Variants in EXOC6B observed in about 807,000 individuals in gnomAD.
The protein encoded by EXOC6B is exocyst complex component 6B, also known as SEC15 homolog B.
Under a neutral mutation model 113.5 loss-of-function variants are expected in EXOC6B, and 54 were observed. The ratio of observed to expected loss-of-function variants is 0.48; its 90% CI spans 0.38 to 0.60. EXOC6B has a LOEUF of 0.60. Among genes scored for constraint, EXOC6B ranks in the 20% least tolerant of loss-of-function variants. The pLI is 0.00. For synonymous variants in EXOC6B, 357 were observed against 339.0 expected, an observed-to-expected ratio of 1.05 and a Z score of -0.58; for missense variants, 797 against 977.5, an observed-to-expected ratio of 0.82 and a Z score of 2.46.
At chr2:72,583,110 C>T (rs1443731770) in intron 6 of EXOC6B, among the ~76,000 whole-genome samples, 1 of 151,992 alleles carries the variant, frequency 6.6e-6, no homozygotes, top group Non-Finnish European at 1.5e-5. Context: ...GAATTTCAGA[C>T]CTTAAAGACC....
chr2:72,589,404 T>C (rs1379327256), intron 6 of EXOC6B, among the ~76,000 whole-genome samples: 1 of 152,034 alleles, frequency 6.6e-6, no homozygotes, highest in African/African-American at 2.4e-5. Context: ...ATTTATTTCA[T>C]TTCCTTCTAC....
At chr2:72,474,752 T>C (rs996885193) in intron 17 of EXOC6B, among the ~76,000 whole-genome samples, 3 of 152,172 alleles carry the variant, frequency 2.0e-5, no homozygotes, top group Admixed American at 1.3e-4. Flanking sequence ...TTTTCTGAGA[T>C]TTCATTAATT....
chr2:72,469,992 C>T (rs749287160), intron 17 of EXOC6B, among the ~76,000 whole-genome samples: 3 of 152,094 alleles, frequency 2.0e-5, no homozygotes, highest in African/African-American at 4.8e-5. Context: ...GCATTCCTAA[C>T]CTTACTTCAA....
intron 19 of EXOC6B, among the ~76,000 whole-genome samples, chr2:72,357,846 T>C (rs598138): frequency 0.34 from 52,391 of 152,010 alleles, 14,265 homozygotes; most frequent in African/African-American, 0.76. Flanking sequence ...TCTAGTACTA[T>C]TATACATGCT....
intron 20 of EXOC6B, among the ~76,000 whole-genome samples, chr2:72,257,469 A>T (rs1172746522): frequency 6.6e-6 from 1 of 152,240 alleles, no homozygotes; most frequent in Non-Finnish European, 1.5e-5. Context: ...GATCCTGAGT[A>T]AGCCCAATCT....
At chr2:72,588,133 A>G (rs1705705942) in intron 6 of EXOC6B, among the ~76,000 whole-genome samples, 1 of 152,140 alleles carries the variant, frequency 6.6e-6, no homozygotes. Context: ...TTCCTCAAAA[A>G]TATTTAAAAT....
chr2:72,226,385 A>C (rs1323457027), intron 20 of EXOC6B, among the ~76,000 whole-genome samples: 1 of 152,214 alleles, frequency 6.6e-6, no homozygotes, highest in Non-Finnish European at 1.5e-5. Flanking sequence ...GCACTCTTAA[A>C]TACTGTCTTT....
intron 20 of EXOC6B, among the ~76,000 whole-genome samples, chr2:72,207,254 T>A (rs924170415): frequency 1.3e-5 from 2 of 152,248 alleles, no homozygotes; most frequent in African/African-American, 4.8e-5. Flanking sequence ...AATGTCTTGA[T>A]GAAAATACTT....
intron 6 of EXOC6B, among the ~76,000 whole-genome samples, chr2:72,686,042 A>C (rs555173366): frequency 1.3e-5 from 2 of 152,226 alleles, no homozygotes; most frequent in Non-Finnish European, 2.9e-5. Flanking sequence ...TTCTCACGAC[A>C]GTGGCACCAA....
intron 6 of EXOC6B, among the ~76,000 whole-genome samples, chr2:72,693,271 T>A (rs1288354983): frequency 6.6e-6 from 1 of 151,440 alleles, no homozygotes; most frequent in Non-Finnish European, 1.5e-5. Context: ...TATCTCCATA[T>A]GTATAAGGTT....
rs563383579 is a variant in EXOC6B, at chr2:72,524,270, G to A, written c.916-9144C>T. Among the ~76,000 whole-genome samples the A allele has an allele frequency of 2.0e-5, 3 of 151,998 alleles. No homozygotes were observed. In the South Asian group the frequency reaches 6.3e-4, roughly 32 times the overall value. ...GCGGGATATTACACTTCACCATATG[G>A]CTAATTTGCACAGCAGGCTCAAAGC... On this transcript the variant is annotated intron_variant, in intron 8 of 21. Transcript: ENST00000272427.
At chr2:72,682,227 C>G (rs1487043783) in intron 6 of EXOC6B, among the ~76,000 whole-genome samples, 1 of 152,118 alleles carries the variant, frequency 6.6e-6, no homozygotes, top group Non-Finnish European at 1.5e-5. Context: ...TAGCATCTTT[C>G]CCAGCTGGAA....
chr2:72,618,510 A>G (rs1671542383), intron 6 of EXOC6B, among the ~76,000 whole-genome samples: 1 of 152,144 alleles, frequency 6.6e-6, no homozygotes, highest in South Asian at 2.1e-4. Flanking sequence ...CTTTTTTCAT[A>G]TAGCACCCCA....
chr2:72,480,577 C>T (rs1285185243), intron 17 of EXOC6B, 39 bp downstream of exon 17: 2 of 1,539,844 alleles, frequency 1.3e-6, no homozygotes, highest in South Asian at 2.5e-5. Flanking sequence ...AGACTGTGTA[C>T]ACCAGAAGCA....
chr2:72,764,039 C>A (rs112277409), intron 1 of EXOC6B, among the ~76,000 whole-genome samples: 8,151 of 151,870 alleles, frequency 0.054, 727 homozygotes, highest in African/African-American at 0.18. Flanking sequence ...TGATTGTACC[C>A]CTGCACTCCA....
intron 15 of EXOC6B, among the ~76,000 whole-genome samples, chr2:72,493,288 A>G (rs1699847996): frequency 6.7e-6 from 1 of 148,886 alleles, no homozygotes; most frequent in South Asian, 2.2e-4. Context: ...AGTTCCAAAA[A>G]AGTTTTAATT....
At chr2:72,390,859 TTTGA>T (rs892938248) in intron 18 of EXOC6B, among the ~76,000 whole-genome samples, 10 of 152,344 alleles carry the variant, frequency 6.6e-5, no homozygotes, top group African/African-American at 2.2e-4. Context: ...GGTTTGTTTG[TTTGA>T]TTGTTTGTCT....
At chr2:72,677,136 A>G (rs1676368844) in intron 6 of EXOC6B, among the ~76,000 whole-genome samples, 1 of 152,188 alleles carries the variant, frequency 6.6e-6, no homozygotes, top group East Asian at 1.9e-4. Context: ...ATTCAGCCAT[A>G]CAGCCCAAAT....
chr2:72,679,184 G>T lies in EXOC6B; in HGVS notation c.669+38919C>A, dbSNP rs181440006. On this transcript the variant is annotated intron_variant, in intron 6 of 21. Coordinates refer to ENST00000272427, the MANE Select transcript of EXOC6B (RefSeq NM_015189.3). The stretch of plus-strand genomic sequence containing the variant: ...TGGGTTCAAGCGATTCTCCTGCCTC[G>T]GCTTCCCAAGTAGCTGGGATTACAG... Among the ~76,000 whole-genome samples, 146 of 151,724 alleles carry T rather than the reference G, an allele frequency of 9.6e-4. 1 individual carries two copies. Among genetic ancestry groups the T allele is most frequent in the African/African-American group, 3.0e-3 (123 of 41,366 alleles).
Sources: allele counts gnomAD v4.1 joint callset (sites outside exome capture counted in the v4.1 genomes callset), GRCh38; gene constraint gnomAD v4.1.1; transcripts MANE v1.5; gene names NCBI Gene and HGNC (gene_info 2026-07-23, HGNC 2026-07-21).